RARS2: variants seen among roughly 807,000 people sequenced by gnomAD.
The protein encoded by RARS2 is arginyl-tRNA synthetase 2, mitochondrial.
RARS2 carries 67 observed loss-of-function variants against 88.5 expected under a neutral mutation model. The observed-to-expected ratio is 0.76, with a 90% CI of 0.62 to 0.93. The LOEUF (loss-of-function observed/expected upper bound fraction) is 0.93. Ranked by LOEUF, RARS2 falls within the 40% of genes least tolerant of loss-of-function variation. The pLI, the probability that RARS2 is intolerant of heterozygous loss-of-function variation, is 0.00. For missense variants in RARS2, 664 were observed against 684.2 expected, an observed-to-expected ratio of 0.97 and a Z score of 0.33; for synonymous variants, 239 against 230.3, an observed-to-expected ratio of 1.04 and a Z score of -0.34.
chr6:87,518,334 G>T, intron 16 of RARS2, 70 bp from the exon 17 acceptor site: 1 of 1,609,120 alleles, frequency 6.2e-7, no homozygotes, highest in South Asian at 1.1e-5. Context: ...AGCTGCAAGT[G>T]ATGAACATGA....
Position 87,514,311 on chromosome 6 carries a change from C to CAAAAAAA in RARS2, c.*95_*101dup. 1 of 573,980 alleles carries CAAAAAAA rather than the reference C, an allele frequency of 1.7e-6. No homozygotes were observed. The highest frequency in any genetic ancestry group is 2.8e-6 in the Non-Finnish European group (1 of 352,646). The allele number at this position is 573,980 out of a possible 1,614,324, so 35.6% of individuals were successfully genotyped here. A position where few individuals can be genotyped will look rare whatever the true frequency, so the allele number is the denominator to read the frequency against. On this transcript the variant is annotated 3_prime_UTR_variant, in exon 20 of 20. Transcript: ENST00000369536. The stretch of plus-strand genomic sequence containing the variant: ...GGGCAACAAGAGCGAAACTCCATCT[C>CAAAAAAA]AAAAAAAAAAAAAAAAAATTTAAAT...
At chr6:87,573,122 A>T (rs1012304751) in intron 1 of RARS2, among the ~76,000 whole-genome samples, 3 of 152,146 alleles carry the variant, frequency 2.0e-5, no homozygotes, top group African/African-American at 4.8e-5. Flanking sequence ...TGAGGAAAAG[A>T]AGTTTACTTG....
At chr6:87,581,296 A>AT (rs2128220447) in intron 1 of RARS2, among the ~76,000 whole-genome samples, 1 of 152,310 alleles carries the variant, frequency 6.6e-6, no homozygotes, top group Admixed American at 6.5e-5. Context: ...TCTTATGAAG[A>AT]TTAGCTCTGT....
intron 1 of RARS2, among the ~76,000 whole-genome samples, chr6:87,575,479 CA>C (rs1771197648): frequency 6.6e-6 from 1 of 152,046 alleles, no homozygotes; most frequent in Non-Finnish European, 1.5e-5. Flanking sequence ...TAGTGTCTAC[CA>C]GAATTGTCTA....
chr6:87,577,308 C>A (rs1238668264), intron 1 of RARS2, among the ~76,000 whole-genome samples: 1 of 152,176 alleles, frequency 6.6e-6, no homozygotes, highest in East Asian at 1.9e-4. Flanking sequence ...CCTCCCACCC[C>A]AGCCTCCTGA....
At chr6:87,566,169 A>C (rs1006100882) in intron 2 of RARS2, among the ~76,000 whole-genome samples, 2 of 152,226 alleles carry the variant, frequency 1.3e-5, no homozygotes, top group African/African-American at 4.8e-5. Context: ...TTATATTAAA[A>C]AATGAAAACA....
In RARS2 at chr6:87,524,662, C is replaced by T. The variant is rs762718880; in HGVS notation, c.879-10G>A. On this transcript the variant is annotated splice_polypyrimidine_tract_variant and intron_variant, in intron 10 of 19. Transcript: ENST00000369536. ...TACAGCCGTTCCTTTTCTAGAAATT[C>T]GAAAAGGTAACTCTGAAGCAACATA... The T allele has an allele frequency of 1.0e-5, 16 of 1,575,384 alleles. No individual in the cohort carries two copies. In the East Asian group the frequency reaches 1.3e-4, roughly 13 times the overall value.
In RARS2 at chr6:87,516,893, AG is replaced by A; in HGVS notation, c.1512-14del. Reference sequence around the variant, plus strand: ...CACCTCGTCGAACCTAAAAGATGACAGGAACAGTGAACAGGAAAAGACTGTA... The same window carrying A: ...CACCTCGTCGAACCTAAAAGATGACAGAACAGTGAACAGGAAAAGACTGTA... On this transcript the variant is annotated splice_polypyrimidine_tract_variant and intron_variant, in intron 17 of 19. Transcript: ENST00000369536. The A allele has an allele frequency of 3.7e-6, 6 of 1,613,488 alleles. No homozygotes were observed. The highest frequency in any genetic ancestry group is 5.1e-6 in the Non-Finnish European group (6 of 1,179,598).
chr6:87,555,467 A>G lies in RARS2; in HGVS notation c.336T>C (p.Tyr112=), dbSNP rs141402165. Residue 112 remains tyrosine (Y), a synonymous_variant, in exon 5 of 20, where the codon TAT becomes TAC. Coordinates refer to ENST00000369536, the MANE Select transcript of RARS2 (RefSeq NM_020320.5). The part of the protein sequence containing the change: ...LQQVIEDGSK[Y]GLKSELFSGL... The stretch of plus-strand genomic sequence containing the variant: ...CAGAGAAAAGTTCACTTTTTAATCC[A>G]TATTTTGAGCCATCTTCAATTACTT... 3.1e-6 allele frequency: 5 copies of G among 1,613,994 alleles called. No homozygotes were observed. The highest frequency in any genetic ancestry group is 1.7e-4 in the Middle Eastern group (1 of 6,060).
chr6:87,546,353 G>A lies in RARS2; in HGVS notation c.452-654C>T, dbSNP rs192106979. 2.8e-3 allele frequency among the ~76,000 whole-genome samples: 424 copies of A among 152,314 alleles called. 4 individuals are homozygous for A. Among genetic ancestry groups the A allele is most frequent in the Non-Finnish European group, 3.8e-3 (259 of 68,036 alleles). On this transcript the variant is annotated intron_variant, in intron 6 of 19. Transcript: ENST00000369536. Reference sequence around the variant, plus strand: ...TTCTAGGTTTGGGCAATCAGATACAGTGTCTGTAAGATTTGGAAGGTGAGC... The same window carrying A: ...TTCTAGGTTTGGGCAATCAGATACAATGTCTGTAAGATTTGGAAGGTGAGC...
intron 14 of RARS2, chr6:87,519,184 ATGTGTGTGTGTGTG>A (rs374177464): frequency 4.7e-6 from 1 of 214,778 alleles, no homozygotes; most frequent in African/African-American, 2.6e-5. Context: ...ATAAATATAT[ATGTGTGTGTGTGTG>A]TGTGTGTGTG....
At position 87,572,597 on chromosome 6, in the gene RARS2, CTG is replaced by C. The variant is rs761457843; in HGVS notation, c.37-3009_37-3008del. ...TTTTCCCCAGAGAAAAGGTCTCACT[CTG>C]TTACCCAGGCTGGAGTGCAGCGGCT... On this transcript the variant is annotated intron_variant, in intron 1 of 19. Transcript: ENST00000369536. Among the ~76,000 whole-genome samples the C allele has an allele frequency of 5.3e-5, 8 of 152,186 alleles. No individual in the cohort carries two copies. The East Asian group carries it at 9.7e-4, about 18-fold the overall frequency.
chr6:87,534,687 G>A (rs1778593857), intron 8 of RARS2, among the ~76,000 whole-genome samples: 1 of 152,162 alleles, frequency 6.6e-6, no homozygotes, highest in Non-Finnish European at 1.5e-5. Flanking sequence ...ACAGCAGGGA[G>A]CAATGGCCAA....
At chr6:87,546,564 G>C (rs1782683732) in intron 6 of RARS2, among the ~76,000 whole-genome samples, 1 of 152,138 alleles carries the variant, frequency 6.6e-6, no homozygotes, top group Non-Finnish European at 1.5e-5. Context: ...CCATGGCAGT[G>C]GCAGCATGGT....
At chr6:87,563,099 G>A (rs1263354235) in intron 3 of RARS2, among the ~76,000 whole-genome samples, 2 of 151,974 alleles carry the variant, frequency 1.3e-5, no homozygotes, top group Non-Finnish European at 2.9e-5. Flanking sequence ...TCTGACATAC[G>A]ATGAACACTT....
intron 5 of RARS2, among the ~76,000 whole-genome samples, chr6:87,552,713 C>T (rs1784746856): frequency 6.6e-6 from 1 of 151,346 alleles, no homozygotes; most frequent in South Asian, 2.1e-4. Context: ...ACTGAAGCCA[C>T]AGTATTTCTA....
intron 6 of RARS2, 105 bp downstream of exon 6, chr6:87,548,486 T>C (rs1783301511): frequency 5.2e-6 from 6 of 1,149,418 alleles, no homozygotes; most frequent in South Asian, 1.4e-5. Flanking sequence ...ATTTAAACTT[T>C]TTGTTTTTTG....
intron 19 of RARS2, 66 bp downstream of exon 19, chr6:87,514,891 A>T (rs1038317239): frequency 2.7e-5 from 37 of 1,346,746 alleles, no homozygotes; most frequent in Middle Eastern, 1.8e-4. Flanking sequence ...AAAATTTACA[A>T]GACTGACTTA....
At chr6:87,528,163 A>C (rs1472324850) in intron 10 of RARS2, among the ~76,000 whole-genome samples, 1 of 152,086 alleles carries the variant, frequency 6.6e-6, no homozygotes, top group Non-Finnish European at 1.5e-5. Flanking sequence ...GAACATCACT[A>C]ATCATCAGGG....
Sources: allele counts gnomAD v4.1 joint callset (sites outside exome capture counted in the v4.1 genomes callset), GRCh38; gene constraint gnomAD v4.1.1; transcripts MANE v1.5; gene names NCBI Gene and HGNC (gene_info 2026-07-23, HGNC 2026-07-21).